Variants in PGAM5 observed in about 807,000 individuals in gnomAD.
PGAM5 encodes PGAM family member 5, mitochondrial serine/threonine protein phosphatase.
PGAM5 carries 25 observed loss-of-function variants against 30.6 expected under a neutral mutation model. The observed-to-expected ratio is 0.82, with a 90% CI of 0.60 to 1.14. The LOEUF (loss-of-function observed/expected upper bound fraction) is 1.14, where lower values mean the gene tolerates loss of function less well. Ranked by LOEUF, PGAM5 falls within the 50% of genes most tolerant of loss-of-function variation. The probability of loss-of-function intolerance (pLI) is 0.00; values close to 1 mark genes in which losing one functional copy is unlikely to be tolerated. For synonymous variants in PGAM5, 201 were observed against 179.1 expected, an observed-to-expected ratio of 1.12 and a Z score of -0.98; for missense variants, 384 against 408.5, an observed-to-expected ratio of 0.94 and a Z score of 0.52.
At chr12:132,718,249 C>T in intron 5 of PGAM5, 129 bp downstream of exon 5, 12 of 1,196,276 alleles carry the variant, frequency 1.0e-5, no homozygotes, top group East Asian at 2.5e-5. Context: ...AGCCCCCGGG[C>T]GTCCACTTCC....
rs924781901 is a variant in PGAM5 at position 132,720,965 on chromosome 12, G to A, written c.*137G>A. ...ACTGACTTGTGACCAGGCTGAGAAGGGGAGAGTTGGGATCAGACAGCCTGA... is the reference window on the plus strand; with the variant it reads ...ACTGACTTGTGACCAGGCTGAGAAGAGGAGAGTTGGGATCAGACAGCCTGA... On this transcript the variant is annotated 3_prime_UTR_variant, in exon 6 of 6. Transcript: ENST00000498926. 75 of 1,096,568 alleles carry A rather than the reference G, an allele frequency of 6.8e-5. No individual in the cohort carries two copies. The highest frequency in any genetic ancestry group is 6.0e-4 in the Middle Eastern group (2 of 3,344). The allele number at this position is 1,096,568 out of a possible 1,614,324, so 67.9% of individuals were successfully genotyped here. A position where few individuals can be genotyped will look rare whatever the true frequency, so the allele number is the denominator to read the frequency against.
Position 132,721,843 on chromosome 12 carries a change from T to TA in PGAM5, c.*1015_*1016insA, listed in dbSNP as rs2043647903. ...GTCTCGAACTCCCAACCTCAGGTGA[T>TA]TCACCCACCTTGGCCTCCCAAAGTG... On this transcript the variant is annotated 3_prime_UTR_variant, in exon 6 of 6. Transcript: ENST00000498926. 6.6e-6 allele frequency: 1 copy of TA among 152,192 alleles called. No homozygotes were observed. The highest frequency in any genetic ancestry group is 2.1e-4 in the South Asian group (1 of 4,834). The allele number at this position is 152,192 out of a possible 1,614,324, so 9.4% of individuals were successfully genotyped here. A position where few individuals can be genotyped will look rare whatever the true frequency, so the allele number is the denominator to read the frequency against.
chr12:132,712,989 A>G (rs1309498649), intron 1 of PGAM5, among the ~76,000 whole-genome samples: 2 of 151,744 alleles, frequency 1.3e-5, no homozygotes, highest in Admixed American at 6.6e-5. Flanking sequence ...GACACTCTGT[A>G]TTTACTAAAA....
At chr12:132,718,292 G>C (rs1028417663) in intron 5 of PGAM5, among the ~76,000 whole-genome samples, 172 bp downstream of exon 5, 2 of 150,016 alleles carry the variant, frequency 1.3e-5, no homozygotes, top group African/African-American at 4.9e-5. Flanking sequence ...GGTAGGTGGC[G>C]TGTTACTTGG....
chr12:132,718,708 T>G, intron 5 of PGAM5: 1 of 1,584,304 alleles, frequency 6.3e-7, no homozygotes. Context: ...AACGTCCTGT[T>G]TCCCCTCAAA....
rs564301022 is a variant in PGAM5 at position 132,721,550 on chromosome 12, T to A, written c.*722T>A. Reference sequence around the variant, plus strand: ...TGGAGGCTGCAGTGAGCTGTGATTGTGTCACTGCACTCCAGCCTGGGCAAG... The same window carrying A: ...TGGAGGCTGCAGTGAGCTGTGATTGAGTCACTGCACTCCAGCCTGGGCAAG... On this transcript the variant is annotated 3_prime_UTR_variant, in exon 6 of 6. Transcript: ENST00000498926. 46 of 152,334 alleles carry A rather than the reference T, an allele frequency of 3.0e-4. No individual in the cohort carries two copies. Among genetic ancestry groups the A allele is most frequent in the African/African-American group, 1.1e-3 (45 of 41,582 alleles). The allele number at this position is 152,334 out of a possible 1,614,324, so 9.4% of individuals were successfully genotyped here.
Position 132,720,810 on chromosome 12 carries a change from C to G in PGAM5, c.852C>G (p.Asp284Glu). ...TLGDTGFMPP[D>E]KITRS ...GGGACACGGGGTTCATGCCTCCCGA[C>G]AAGATCACTCGATCCTGAGGGCTCC... The change falls in exon 6 of 6, where the codon GAC becomes GAG. Residue 284 changes from aspartate to glutamate, a missense_variant. Asp to Glu is a conservative substitution (Grantham distance 45, BLOSUM62 2). Coordinates refer to ENST00000498926, the MANE Select transcript of PGAM5 (RefSeq NM_001170543.2). The G allele has an allele frequency of 6.5e-7, 1 of 1,536,420 alleles. No homozygotes were observed. Among genetic ancestry groups the G allele is most frequent in the Non-Finnish European group, 8.7e-7 (1 of 1,146,806 alleles).
chr12:132,711,865 G>C (rs1162846283), intron 1 of PGAM5, among the ~76,000 whole-genome samples: 1 of 151,788 alleles, frequency 6.6e-6, no homozygotes, highest in Non-Finnish European at 1.5e-5. Flanking sequence ...TGAATTAAAA[G>C]TATGATCGAA....
chr12:132,711,647 G>C (rs918746963), intron 1 of PGAM5: 1 of 151,920 alleles, frequency 6.6e-6, no homozygotes, highest in African/African-American at 2.4e-5. Context: ...TTGGCCGAGC[G>C]AGGTGGCGCG....
chr12:132,711,415 C>T (rs1050838031), intron 1 of PGAM5: 1 of 177,936 alleles, frequency 5.6e-6, no homozygotes, highest in Non-Finnish European at 1.2e-5. Context: ...CGCCCGCGAG[C>T]TGCGTGCGGT....
chr12:132,718,947 C>G, intron 5 of PGAM5: 5 of 1,524,604 alleles, frequency 3.3e-6, no homozygotes, highest in Non-Finnish European at 4.4e-6. Flanking sequence ...GGCCCTTGTC[C>G]CTCAACCTGC....
intron 5 of PGAM5, among the ~76,000 whole-genome samples, 171 bp downstream of exon 5, chr12:132,718,291 C>T (rs528210844): frequency 6.7e-6 from 1 of 149,030 alleles, no homozygotes; most frequent in East Asian, 2.0e-4. Context: ...CGGTAGGTGG[C>T]GTGTTACTTG....
At position 132,717,667 on chromosome 12, in the gene PGAM5, G is replaced by A. The variant is rs375535548; in HGVS notation, c.497-43G>A. 8.9e-5 allele frequency: 140 copies of A among 1,566,632 alleles called. 1 individual carries two copies. The Admixed American group carries it at 2.5e-3, about 28-fold the overall frequency. ...ACCGGGAGGTCACAGCATCTCCGCC[G>A]GCGGGGCCGCCTCACCCAGCGCTTC... On this transcript the variant is annotated intron_variant, in intron 3 of 5. Transcript: ENST00000498926.
At position 132,717,501 on chromosome 12, in the gene PGAM5, A is replaced by G. The variant is rs760308253; in HGVS notation, c.433A>G (p.Ile145Val). The change falls in exon 3 of 6, where the codon ATC (isoleucine) becomes GTC (valine). Residue 145 changes from isoleucine (I) to valine (V), a missense_variant. Physicochemically the swap from Ile to Val is conservative, Grantham distance 29. Transcript: ENST00000498926. Reference sequence around the variant, plus strand: ...AAGCTTGGGGTTGAAGTTTAATAAAATCGTCCATTCGTCTATGACGCGCGC... The same window carrying G: ...AAGCTTGGGGTTGAAGTTTAATAAAGTCGTCCATTCGTCTATGACGCGCGC... ...LASLGLKFNK[I>V]VHSSMTRAIE... 13 of 1,610,864 alleles carry G rather than the reference A, an allele frequency of 8.1e-6. No individual in the cohort carries two copies. Among genetic ancestry groups the G allele is most frequent in the Non-Finnish European group, 1.0e-5 (12 of 1,179,906 alleles).
At chr12:132,717,326 G>A (rs1565999424) in intron 2 of PGAM5, 113 bp from the exon 3 acceptor site, 7 of 1,240,836 alleles carry the variant, frequency 5.6e-6, no homozygotes, top group East Asian at 5.9e-5. Context: ...GTTTGCGGGC[G>A]GAGGAGGGGG....
intron 5 of PGAM5, among the ~76,000 whole-genome samples, chr12:132,719,430 CCAGATAGAG>C (rs1451088830): frequency 6.6e-6 from 1 of 152,202 alleles, no homozygotes; most frequent in African/African-American, 2.4e-5. Flanking sequence ...TGGCTCCAGA[CCAGATAGAG>C]CTTTTCTGGG....
chr12:132,714,202 G>C (rs1284724184), intron 1 of PGAM5, among the ~76,000 whole-genome samples: 2 of 152,112 alleles, frequency 1.3e-5, no homozygotes, highest in Non-Finnish European at 2.9e-5. Context: ...ATTTTGAGTA[G>C]AGGTGCAATT....
intron 5 of PGAM5, chr12:132,718,616 G>T (rs1403774805): frequency 1.4e-6 from 1 of 732,346 alleles, no homozygotes; most frequent in Non-Finnish European, 2.3e-6. Flanking sequence ...TGTCCTGGGT[G>T]GGGTGCGTGC....
At position 132,714,839 on chromosome 12, in the gene PGAM5, T is replaced by C. The variant is rs2043556134; in HGVS notation, c.192-19T>C. Reference sequence around the variant, plus strand: ...TGGGAACAGAGGTCTCAAGGACATATCTTGTATTTCAACATCAGGCGAGAA... The same window carrying C: ...TGGGAACAGAGGTCTCAAGGACATACCTTGTATTTCAACATCAGGCGAGAA... On this transcript the variant is annotated intron_variant, in intron 1 of 5. Coordinates refer to ENST00000498926, the MANE Select transcript of PGAM5 (RefSeq NM_001170543.2). 3.1e-6 allele frequency: 5 copies of C among 1,612,176 alleles called. No homozygotes were observed. The highest frequency in any genetic ancestry group is 4.2e-6 in the Non-Finnish European group (5 of 1,178,902).
Sources: gnomAD v4.1 joint callset for allele counts (sites outside exome capture counted in the v4.1 genomes callset) on GRCh38, gnomAD v4.1.1 for gene constraint, MANE v1.5 for transcripts, NCBI Gene and HGNC (gene_info 2026-07-23, HGNC 2026-07-21) for gene names.